The following ECE1 variants were observed in gnomAD, a reference collection of about 807,000 sequenced individuals.
ECE1 encodes the protein endothelin converting enzyme 1.
A neutral mutation model predicts 98.6 loss-of-function variants in ECE1; 35 were observed. The observed-to-expected ratio is 0.35, with a 90% CI of 0.27 to 0.47. The LOEUF is 0.47. ECE1 is among the 20% of genes least tolerant of loss of function. The pLI is 1.00. For missense variants in ECE1, 814 were observed against 1,025.3 expected, an observed-to-expected ratio of 0.79 and a Z score of 2.81; for synonymous variants, 394 against 407.1, an observed-to-expected ratio of 0.97 and a Z score of 0.39.
chr1:21,225,543 C>T lies in ECE1; in HGVS notation c.1850-103G>A. The T allele has an allele frequency of 2.2e-6, 3 of 1,360,024 alleles. No individual in the cohort carries two copies. The highest frequency in any genetic ancestry group is 2.9e-5 in the African/African-American group (2 of 69,714). The allele number at this position is 1,360,024 out of a possible 1,614,324, so 84.2% of individuals were successfully genotyped here. A position where few individuals can be genotyped will look rare whatever the true frequency, so the allele number is the denominator to read the frequency against. ...GAGAAGCGGTTCATCCGTCCACCCC[C>T]GTCCTCCAGCCACCATGGGGAGACG... On this transcript the variant is annotated intron_variant, in intron 16 of 18. Coordinates refer to ENST00000374893, the MANE Select transcript of ECE1 (RefSeq NM_001397.3). This position sits in a 1 kb window ranked among gnomAD's most constrained non-coding sequence, Gnocchi z 5.3.
chr1:21,322,043 C>G lies in ECE1; in HGVS notation c.3+23333G>C, dbSNP rs758815480. On this transcript the variant is annotated intron_variant, in intron 1 of 18. Coordinates refer to the ECE1 transcript ENST00000415912. The surrounding 1 kb of genome is among the most constrained non-coding windows in gnomAD (Gnocchi z 4.1). ...TCCGAATGAAACAGAGCTGCGTCCC[C>G]GGCCACCCTTTGGTCTGGTCTTGTC... Among the ~76,000 whole-genome samples the G allele has an allele frequency of 3.3e-5, 5 of 152,264 alleles. No individual in the cohort carries two copies. The highest frequency in any genetic ancestry group is 1.2e-4 in the African/African-American group (5 of 41,544).
Position 21,260,513 on chromosome 1 carries a change from T to C in ECE1, c.494-121A>G. 1 of 1,285,070 alleles carries C rather than the reference T, an allele frequency of 7.8e-7. No homozygotes were observed. The highest frequency in any genetic ancestry group is 1.1e-6 in the Non-Finnish European group (1 of 891,358). 79.6% of individuals were successfully genotyped at this position (1,285,070 alleles called of 1,614,324 possible). On this transcript the variant is annotated intron_variant, in intron 4 of 18. Transcript: ENST00000374893. This position sits in a 1 kb window ranked among gnomAD's most constrained non-coding sequence, Gnocchi z 4.3. ...CTGCAAAGGAGCTCTGACATCTGCC[T>C]GTCGGAGTGGCAGTGAGGAATGCCG...
intron 1 of ECE1, among the ~76,000 whole-genome samples, chr1:21,341,936 A>G (rs958900732): frequency 5.3e-5 from 8 of 151,292 alleles, no homozygotes; most frequent in Non-Finnish European, 7.4e-5. Flanking sequence ...CTGCCCCCGG[A>G]CTCCCTCACA....
Position 21,260,119 on chromosome 1 carries a change from G to T in ECE1, c.615+152C>A. ...TGTGCTCACACTCACATGTGCTCTC[G>T]CACACTCGCTCTCTCTCTTTCTGTC... On this transcript the variant is annotated intron_variant, in intron 5 of 18. Coordinates refer to ENST00000374893, the MANE Select transcript of ECE1 (RefSeq NM_001397.3). The surrounding 1 kb of genome is among the most constrained non-coding windows in gnomAD (Gnocchi z 4.3). 1 of 1,233,802 alleles carries T rather than the reference G, an allele frequency of 8.1e-7. No individual in the cohort carries two copies. The highest frequency in any genetic ancestry group is 1.2e-6 in the Non-Finnish European group (1 of 855,666). 76.4% of individuals were successfully genotyped at this position (1,233,802 alleles called of 1,614,324 possible).
intron 1 of ECE1, among the ~76,000 whole-genome samples, chr1:21,332,572 T>G: frequency 1.1e-5 from 1 of 94,068 alleles, no homozygotes; most frequent in Non-Finnish European, 2.0e-5. Context: ...CTTGAACTCT[T>G]GATCTGTGTT....
At position 21,342,607 on chromosome 1, in the gene ECE1, TACACACACAC is replaced by T. The variant is rs71014187; in HGVS notation, c.3+2759_3+2768del. ...ACACAGACACACAGACACACACAGA[TACACACACAC>T]ACACACACACACACACACACACACA... On this transcript the variant is annotated intron_variant, in intron 1 of 18. Coordinates refer to the ECE1 transcript ENST00000415912. Among the ~76,000 whole-genome samples the T allele has an allele frequency of 4.0e-3, 560 of 139,822 alleles. 6 individuals carry two copies. The highest frequency in any genetic ancestry group is 0.031 in the Admixed American group (441 of 14,158). The allele number at this position is 139,822 out of a possible 152,430, so 91.7% of individuals were successfully genotyped here. A position where few individuals can be genotyped will look rare whatever the true frequency, so the allele number is the denominator to read the frequency against.
chr1:21,334,836 T>G (rs943257026), intron 1 of ECE1, among the ~76,000 whole-genome samples: 1 of 152,060 alleles, frequency 6.6e-6, no homozygotes, highest in Non-Finnish European at 1.5e-5. Context: ...AACCTACGCC[T>G]CCTCAGCCTC....
At chr1:21,245,762 T>C (rs186786924) in intron 9 of ECE1, among the ~76,000 whole-genome samples, 1 of 152,288 alleles carries the variant, frequency 6.6e-6, no homozygotes, top group Admixed American at 6.5e-5. Flanking sequence ...TGAAAAATGA[T>C]GTTTGCAGAG....
At chr1:21,238,759 T>C (rs1036443948) in intron 10 of ECE1, among the ~76,000 whole-genome samples, 2 of 152,140 alleles carry the variant, frequency 1.3e-5, no homozygotes, top group African/African-American at 4.8e-5. Flanking sequence ...AGGGCTCCAA[T>C]GCCATTGAAG....
At chr1:21,272,076 C>T (rs1210806634) in intron 4 of ECE1, among the ~76,000 whole-genome samples, 1 of 152,150 alleles carries the variant, frequency 6.6e-6, no homozygotes, top group East Asian at 1.9e-4. Context: ...TTCTTGTGTA[C>T]ACCCTACATG....
chr1:21,257,547 A>G lies in ECE1; in HGVS notation c.806T>C (p.Leu269Pro), dbSNP rs1323298614. Residue 269 changes from leucine to proline, a missense_variant, in exon 7 of 19, where the codon CTG becomes CCG. Coordinates refer to ENST00000374893, the MANE Select transcript of ECE1 (RefSeq NM_001397.3). The part of the protein sequence containing the change: ...GLGLPSRDYY[L>P]NKTENEKVLT... Reference sequence around the variant, plus strand: ...TACCTTCTCGTTTTCAGTTTTGTTCAGGTAATAGTCTCTCGAGGGCAAGCC... The same window carrying G: ...TACCTTCTCGTTTTCAGTTTTGTTCGGGTAATAGTCTCTCGAGGGCAAGCC... The G allele has an allele frequency of 2.5e-6, 4 of 1,614,102 alleles. No homozygotes were observed. Among genetic ancestry groups the G allele is most frequent in the Non-Finnish European group, 3.4e-6 (4 of 1,180,040 alleles).
At position 21,260,443 on chromosome 1, in the gene ECE1, G is replaced by C. The variant is rs1178640729; in HGVS notation, c.494-51C>G. 6.2e-7 allele frequency: 1 copy of C among 1,611,816 alleles called. No homozygotes were observed. Among genetic ancestry groups the C allele is most frequent in the Non-Finnish European group, 8.5e-7 (1 of 1,178,344 alleles). Reference sequence around the variant, plus strand: ...CAATGCGGCCCCACTTGCCCACTGGGTGGCTTTGGGGCAGTCCCTCTTTTC... The same window carrying C: ...CAATGCGGCCCCACTTGCCCACTGGCTGGCTTTGGGGCAGTCCCTCTTTTC... On this transcript the variant is annotated intron_variant, in intron 4 of 18. Coordinates refer to ENST00000374893, the MANE Select transcript of ECE1 (RefSeq NM_001397.3). This position sits in a 1 kb window ranked among gnomAD's most constrained non-coding sequence, Gnocchi z 4.3.
Position 21,233,250 on chromosome 1 carries a change from G to A in ECE1, c.1670+308C>T, listed in dbSNP as rs2098184036. 2 of 314,968 alleles carry A rather than the reference G, an allele frequency of 6.3e-6. No homozygotes were observed. Among genetic ancestry groups the A allele is most frequent in the South Asian group, 3.7e-5 (1 of 26,908 alleles). 19.5% of individuals were successfully genotyped at this position (314,968 alleles called of 1,614,324 possible). On this transcript the variant is annotated intron_variant, in intron 14 of 18. Transcript: ENST00000374893. This position sits in a 1 kb window ranked among gnomAD's most constrained non-coding sequence, Gnocchi z 4.0. ...CATCCTATTCTGCGGAAAATGAAATGAAGGCTCCAAATCCCAAAGCAGTGG... is the reference window on the plus strand; with the variant it reads ...CATCCTATTCTGCGGAAAATGAAATAAAGGCTCCAAATCCCAAAGCAGTGG...
chr1:21,312,685 T>G (rs546782150), intron 1 of ECE1, among the ~76,000 whole-genome samples: 9 of 152,266 alleles, frequency 5.9e-5, no homozygotes, highest in Admixed American at 1.3e-4. Context: ...TGTGCTGTCC[T>G]GTCACTGAGA....
chr1:21,234,875 A>G (rs941597296), intron 13 of ECE1, among the ~76,000 whole-genome samples: 1 of 152,256 alleles, frequency 6.6e-6, no homozygotes, highest in Admixed American at 6.5e-5. Flanking sequence ...GGATGCCTCC[A>G]GAGGCCCAAG....
intron 4 of ECE1, among the ~76,000 whole-genome samples, chr1:21,262,423 T>A (rs747955622): frequency 6.6e-6 from 1 of 152,164 alleles, no homozygotes; most frequent in African/African-American, 2.4e-5. Flanking sequence ...CTCGTTCCTA[T>A]GGCAACACTC....
Position 21,256,081 on chromosome 1 carries a change from C to T in ECE1, c.886G>A (p.Asp296Asn). The change falls in exon 8 of 19, where the codon GAC (aspartate) becomes AAC (asparagine). Residue 296 changes from aspartate (D) to asparagine (N), a missense_variant. Asp to Asn is a conservative substitution (Grantham distance 23). Around this residue, in one of 3 missense-constraint regions of ECE1, gnomAD observed 105 missense variants for 179.1 expected, o/e 0.59. Transcript: ENST00000374893. ...VQLGKLLGGG[D>N]EEAIRPQMQQ... is the part of the protein sequence containing the mutation. ...ATCTGGGGCCGGATGGCCTCCTCGT[C>T]CCCGCCGCCCAGCAGCTTCCCCAGC... 1.2e-6 allele frequency: 2 copies of T among 1,610,078 alleles called. No homozygotes were observed. The highest frequency in any genetic ancestry group is 1.7e-6 in the Non-Finnish European group (2 of 1,176,448).
chr1:21,326,549 T>A (rs1193316061), intron 1 of ECE1, among the ~76,000 whole-genome samples: 1 of 149,804 alleles, frequency 6.7e-6, no homozygotes, highest in Admixed American at 6.7e-5. Flanking sequence ...CAAAGAGAGA[T>A]CCAAATCTTA....
Position 21,220,485 on chromosome 1 carries a change from T to C in ECE1, c.2137-354A>G, listed in dbSNP as rs772220534. 2.0e-5 allele frequency among the ~76,000 whole-genome samples: 3 copies of C among 150,824 alleles called. No individual in the cohort carries two copies. Among genetic ancestry groups the C allele is most frequent in the Non-Finnish European group, 4.4e-5 (3 of 67,742 alleles). Reference sequence around the variant, plus strand: ...CTGCATTCCAGCCTCGGTGATAGAGTGAGATCCTGTCTCAAAAAGCAAAAC... The same window carrying C: ...CTGCATTCCAGCCTCGGTGATAGAGCGAGATCCTGTCTCAAAAAGCAAAAC... On this transcript the variant is annotated intron_variant, in intron 18 of 18. Coordinates refer to ENST00000374893, the MANE Select transcript of ECE1 (RefSeq NM_001397.3). This position sits in a 1 kb window ranked among gnomAD's most constrained non-coding sequence, Gnocchi z 5.0.
Sources: gnomAD v4.1 joint callset for allele counts (sites outside exome capture counted in the v4.1 genomes callset) on GRCh38, gnomAD v4.1.1 for gene constraint, gnomAD v4.1.1 regional missense constraint, Gnocchi (gnomAD v3.1) non-coding constraint, MANE v1.5 for transcripts, NCBI Gene and HGNC (gene_info 2026-07-23, HGNC 2026-07-21) for gene names.